The following WASHC5 variants were observed in gnomAD, a reference collection of about 807,000 sequenced individuals.
WASHC5 encodes the protein WASH complex subunit strumpellin.
In WASHC5, 101 loss-of-function variants were observed where a neutral mutation model predicts 150.4. The ratio of observed to expected loss-of-function variants is 0.67; its 90% CI spans 0.57 to 0.79. The LOEUF is 0.79. WASHC5 is among the 30% of genes least tolerant of loss of function. The probability of loss-of-function intolerance (pLI) is 0.00; values close to 1 mark genes in which losing one functional copy is unlikely to be tolerated. For synonymous variants in WASHC5, 467 were observed against 491.2 expected (o/e 0.95, Z 0.65); for missense variants, 1,195 against 1,396.3 (o/e 0.86, Z 2.30).
intron 14 of WASHC5, among the ~76,000 whole-genome samples, chr8:125,058,036 G>T (rs1435426377): frequency 6.6e-6 from 1 of 151,738 alleles, no homozygotes; most frequent in Non-Finnish European, 1.5e-5. Flanking sequence ...ACAGAAAAGA[G>T]CTACTCCTGT....
rs893821209 is a variant in WASHC5, at chr8:125,054,902, C to G, written c.2097+689G>C. On this transcript the variant is annotated intron_variant, in intron 17 of 28. Transcript: ENST00000318410. ...AGTACTAAAAATGAAGGAAGGAAAA[C>G]AGAGAGAGAGAAGAATAAAGCAATT... is the stretch of plus-strand genomic sequence containing the variant. Among the ~76,000 whole-genome samples, 7 of 148,370 alleles carry G rather than the reference C, an allele frequency of 4.7e-5. 1 individual carries two copies. Among genetic ancestry groups the G allele is most frequent in the African/African-American group, 1.2e-4 (5 of 40,526 alleles).
chr8:125,054,482 T>C (rs1266934568), intron 17 of WASHC5, among the ~76,000 whole-genome samples: 1 of 152,078 alleles, frequency 6.6e-6, no homozygotes, highest in Non-Finnish European at 1.5e-5. Context: ...AAGAAAAAAA[T>C]AAACAAACAA....
At chr8:125,077,162 T>C (rs1817088520) in intron 6 of WASHC5, among the ~76,000 whole-genome samples, 1 of 152,200 alleles carries the variant, frequency 6.6e-6, no homozygotes, top group South Asian at 2.1e-4. Context: ...CACCTTGAGC[T>C]ACCACAAGCA....
At chr8:125,086,581 C>T (rs537703008) in intron 1 of WASHC5, among the ~76,000 whole-genome samples, 2 of 152,332 alleles carry the variant, frequency 1.3e-5, no homozygotes, top group South Asian at 4.1e-4. Flanking sequence ...ACATTCTGAG[C>T]TACTGAGTGT....
rs559908930 is a variant in WASHC5 at position 125,034,688 on chromosome 8, T to C, written c.3182-2294A>G. On this transcript the variant is annotated intron_variant, in intron 26 of 28. Coordinates refer to ENST00000318410, the MANE Select transcript of WASHC5 (RefSeq NM_014846.4). ...ACCCTCAGGTCCCATATTTGACTTC[T>C]TGTGAAGACCGGAAAATCTTCCCCA... Among the ~76,000 whole-genome samples the C allele has an allele frequency of 2.0e-5, 3 of 152,284 alleles. No homozygotes were observed. The South Asian group carries it at 6.2e-4, about 32-fold the overall frequency.
chr8:125,082,526 A>C, intron 3 of WASHC5, 59 bp from the exon 4 acceptor site: 1 of 999,218 alleles, frequency 1.0e-6, no homozygotes, highest in Non-Finnish European at 1.6e-6. Context: ...AACATCTTTA[A>C]AGAAGGAAAG....
chr8:125,065,288 T>C (rs886254429), intron 10 of WASHC5, among the ~76,000 whole-genome samples: 5 of 152,218 alleles, frequency 3.3e-5, no homozygotes, highest in African/African-American at 1.2e-4. Context: ...ATGTCAGAAA[T>C]TCAAATGTAT....
chr8:125,048,984 A>G, intron 19 of WASHC5, 22 bp downstream of exon 19: 1 of 1,582,162 alleles, frequency 6.3e-7, no homozygotes, highest in Non-Finnish European at 8.6e-7. Flanking sequence ...TATAGTCAAG[A>G]ATTTTAAAAT....
chr8:125,085,213 A>G (rs1199755213), intron 1 of WASHC5, among the ~76,000 whole-genome samples: 4 of 152,228 alleles, frequency 2.6e-5, no homozygotes, highest in African/African-American at 4.8e-5. Flanking sequence ...GAAGTGTAAC[A>G]TACATTTAAT....
chr8:125,074,027 C>T (rs1175715444), intron 8 of WASHC5, among the ~76,000 whole-genome samples: 1 of 152,182 alleles, frequency 6.6e-6, no homozygotes, highest in East Asian at 1.9e-4. Flanking sequence ...GCAAAAAATA[C>T]ACCTTAGTAT....
chr8:125,037,197 G>T, intron 26 of WASHC5, 40 bp downstream of exon 26: 2 of 1,084,754 alleles, frequency 1.8e-6, no homozygotes, highest in Non-Finnish European at 1.4e-6. Flanking sequence ...TTAATCTGTT[G>T]GTATTGTTAC....
intron 23 of WASHC5, among the ~76,000 whole-genome samples, chr8:125,042,113 T>G (rs1330027994): frequency 6.6e-6 from 1 of 152,188 alleles, no homozygotes; most frequent in African/African-American, 2.4e-5. Flanking sequence ...CTCACGCACT[T>G]CAAGCTTTAA....
intron 9 of WASHC5, among the ~76,000 whole-genome samples, chr8:125,068,363 G>A (rs537249278): frequency 9.3e-4 from 141 of 152,324 alleles, no homozygotes; most frequent in African/African-American, 3.0e-3. Flanking sequence ...AGGAAGCTGA[G>A]TCTAATGAGC....
Position 125,063,534 on chromosome 8 carries a change from C to G in WASHC5, c.1396G>C (p.Val466Leu). Residue 466 changes from valine (V) to leucine (L), a missense_variant, in exon 11 of 29, where the codon GTG (valine) becomes CTG (leucine). Physicochemically the swap from Val to Leu is conservative, Grantham distance 32. Transcript: ENST00000318410. ...CTTCAGTAATTACCATTTTTCTCCACTCTGGTTAGGGGTTTCACTCCTGAA... is the reference window on the plus strand; with the variant it reads ...CTTCAGTAATTACCATTTTTCTCCAGTCTGGTTAGGGGTTTCACTCCTGAA... The part of the protein sequence containing the change: ...VFSGVKPLTR[V>L]EKNENLQAWF... 1 of 1,613,940 alleles carries G rather than the reference C, an allele frequency of 6.2e-7. No homozygotes were observed. The highest frequency in any genetic ancestry group is 8.5e-7 in the Non-Finnish European group (1 of 1,179,858).
At chr8:125,033,011 T>C (rs1212415576) in intron 26 of WASHC5, among the ~76,000 whole-genome samples, 1 of 152,048 alleles carries the variant, frequency 6.6e-6, no homozygotes, top group Non-Finnish European at 1.5e-5. Context: ...CAGCACATTA[T>C]AGCCTTGAAT....
chr8:125,059,488 C>A lies in WASHC5; in HGVS notation c.1576G>T (p.Asp526Tyr). ...SNLQVCQFLA[D>Y]TRKFLHQMIR... ...ATTTGATGAAGAAACTTTCGAGTAT[C>A]GGCAAGAAACTGACATACTTGCAGA... Residue 526 changes from aspartate (D) to tyrosine (Y), a missense_variant, in exon 13 of 29, where the codon GAT becomes TAT. Physicochemically the swap from Asp to Tyr is radical, Grantham distance 160. Transcript: ENST00000318410. The A allele has an allele frequency of 6.2e-7, 1 of 1,613,808 alleles. No individual in the cohort carries two copies. Among genetic ancestry groups the A allele is most frequent in the Non-Finnish European group, 8.5e-7 (1 of 1,179,870 alleles).
At chr8:125,074,162 CT>C (rs1411780501) in intron 8 of WASHC5, among the ~76,000 whole-genome samples, 4 of 152,070 alleles carry the variant, frequency 2.6e-5, no homozygotes, top group African/African-American at 4.8e-5. Flanking sequence ...ATCAAGAAAC[CT>C]CTTAAAAATG....
intron 1 of WASHC5, among the ~76,000 whole-genome samples, chr8:125,085,756 C>A (rs1028377427): frequency 6.6e-6 from 1 of 152,086 alleles, no homozygotes; most frequent in African/African-American, 2.4e-5. Flanking sequence ...TGGTAGAAGG[C>A]GAAGGGCAAC....
At chr8:125,033,558 T>C (rs1815605778) in intron 26 of WASHC5, among the ~76,000 whole-genome samples, 1 of 151,928 alleles carries the variant, frequency 6.6e-6, no homozygotes, top group South Asian at 2.1e-4. Flanking sequence ...GATTTCTTTT[T>C]TTTTTTTTTG....
Sources: allele counts gnomAD v4.1 joint callset (sites outside exome capture counted in the v4.1 genomes callset), GRCh38; gene constraint gnomAD v4.1.1; transcripts MANE v1.5; gene names NCBI Gene and HGNC (gene_info 2026-07-23, HGNC 2026-07-21).